The following NAA16 variants were observed in gnomAD, a reference collection of about 807,000 sequenced individuals.
NAA16 encodes NARG1-like protein.
NAA16 carries 97 observed loss-of-function variants against 110.3 expected under a neutral mutation model. The ratio of observed to expected loss-of-function variants is 0.88; its 90% CI spans 0.75 to 1.04. NAA16 has a LOEUF of 1.04. Among genes scored for constraint, NAA16 ranks in the 50% least tolerant of loss-of-function variants. The pLI is 0.00. For missense variants in NAA16, 1,017 were observed against 1,005.1 expected (o/e 1.01, Z -0.16); for synonymous variants, 372 against 330.6 (o/e 1.13, Z -1.36).
rs2042079298 is a variant in NAA16 at position 41,325,844 on chromosome 13, A to G, written c.684A>G (p.Glu228=). The G allele has an allele frequency of 6.3e-7, 1 of 1,597,134 alleles. No individual in the cohort carries two copies. The highest frequency in any genetic ancestry group is 8.5e-7 in the Non-Finnish European group (1 of 1,174,106). ...KQICDKLLVE[E]IKGEILLKLG... ...TATGTGATAAACTTTTGGTGGAAGA[A>G]ATTAAAGGTAAGTTGGCTTGCCTTT... Residue 228 remains glutamate, a synonymous_variant, in exon 6 of 20, where the codon GAA becomes GAG. Coordinates refer to ENST00000379406, the MANE Select transcript of NAA16 (RefSeq NM_024561.5).
intron 9 of NAA16, among the ~76,000 whole-genome samples, chr13:41,344,088 A>G (rs192730134): frequency 1.6e-3 from 249 of 152,308 alleles, no homozygotes; most frequent in African/African-American, 5.7e-3. Context: ...TCAAGTTATT[A>G]TTAAATATCT....
chr13:41,358,468 T>C lies in NAA16; in HGVS notation c.1252T>C (p.Tyr418His). 6.2e-7 allele frequency: 1 copy of C among 1,613,270 alleles called. No homozygotes were observed. The highest frequency in any genetic ancestry group is 8.5e-7 in the Non-Finnish European group (1 of 1,179,316). Residue 418 changes from tyrosine (Y) to histidine (H), a missense_variant, in exon 11 of 20, where the codon TAC becomes CAC. Coordinates refer to ENST00000379406, the MANE Select transcript of NAA16 (RefSeq NM_024561.5). ...IELFYMKAKI[Y>H]KHIGNLKEAA... The stretch of plus-strand genomic sequence containing the variant: ...ATTATTCTATATGAAAGCAAAAATT[T>C]ACAAGGTAAAATCTGAATCCTGTTT...
intron 7 of NAA16, among the ~76,000 whole-genome samples, chr13:41,330,210 A>AC (rs2042201503): frequency 6.7e-6 from 1 of 150,250 alleles, no homozygotes; most frequent in African/African-American, 2.4e-5. Context: ...TTGTTTTTTT[A>AC]CCCCCCACAC....
Position 41,318,852 on chromosome 13 carries a change from A to G in NAA16, c.186A>G (p.Lys62=), listed in dbSNP as rs1566241186. The G allele has an allele frequency of 1.9e-6, 3 of 1,604,578 alleles. 1 individual carries two copies. In the South Asian group the frequency reaches 3.4e-5, roughly 18 times the overall value. ...TAACACTGAACTGTTTAGGAAAAAA[A>G]GAAGAAGCTTATGAGTTTGTTCGTA... ...KGLTLNCLGK[K]EEAYEFVRKG... Residue 62 remains lysine (K), a synonymous_variant, in exon 3 of 20, where the codon AAA becomes AAG. Transcript: ENST00000379406.
chr13:41,328,983 G>A, intron 7 of NAA16, 140 bp downstream of exon 7: 1 of 696,690 alleles, frequency 1.4e-6, no homozygotes, highest in African/African-American at 1.8e-5. Context: ...GGTTAAACAT[G>A]GGAGTAAAAA....
chr13:41,363,309 C>T (rs1459374917), intron 13 of NAA16, among the ~76,000 whole-genome samples: 1 of 152,098 alleles, frequency 6.6e-6, no homozygotes, highest in African/African-American at 2.4e-5. Context: ...CTAGGACATT[C>T]TCAGTGAGAG....
In NAA16 at chr13:41,372,275, A is replaced by G. The variant is rs749388159; in HGVS notation, c.2020A>G (p.Thr674Ala). The G allele has an allele frequency of 8.1e-6, 13 of 1,600,000 alleles. No homozygotes were observed. The highest frequency in any genetic ancestry group is 1.1e-5 in the Non-Finnish European group (13 of 1,174,322). The change falls in exon 16 of 20, where the codon ACT becomes GCT. Residue 674 changes from threonine (T) to alanine (A), a missense_variant. Thr to Ala is a moderately conservative substitution (Grantham distance 58). Transcript: ENST00000379406. The part of the protein sequence containing the change: ...LKNLVADNID[T>A]HLLAFEIYFR... ...GAACCTTGTTGCTGATAACATTGAC[A>G]CTCATCTGTTAGCATTTGAAATATA... is the stretch of plus-strand genomic sequence containing the variant.
intron 3 of NAA16, among the ~76,000 whole-genome samples, chr13:41,319,677 T>C (rs2483106): frequency 0.053 from 8,001 of 152,058 alleles, 281 homozygotes; most frequent in Non-Finnish European, 0.074. Flanking sequence ...CCACCATGCC[T>C]GGCTACTTTT....
At chr13:41,340,555 C>T (rs1221945908) in intron 9 of NAA16, among the ~76,000 whole-genome samples, 2 of 149,072 alleles carry the variant, frequency 1.3e-5, no homozygotes, top group African/African-American at 2.4e-5. Flanking sequence ...TTTCAAAGAA[C>T]ATCTTTATTT....
chr13:41,365,007 G>C (rs2043182374), intron 13 of NAA16, among the ~76,000 whole-genome samples: 1 of 152,140 alleles, frequency 6.6e-6, no homozygotes, highest in Admixed American at 6.5e-5. Flanking sequence ...CTAAAGCTGT[G>C]AACGGCTTTT....
At chr13:41,367,786 C>A in intron 14 of NAA16, 134 bp downstream of exon 14, 1 of 549,088 alleles carries the variant, frequency 1.8e-6, no homozygotes, top group South Asian at 3.6e-5. Flanking sequence ...ACTCATATGC[C>A]AAAAAACAAA....
Position 41,336,699 on chromosome 13 carries a change from T to G in NAA16, c.957T>G (p.Ser319Arg). Residue 319 changes from serine (S) to arginine (R), a missense_variant, in exon 9 of 20, where the codon AGT becomes AGG. Physicochemically the swap from Ser to Arg is moderately radical, Grantham distance 110 (BLOSUM62 -1). Coordinates refer to ENST00000379406, the MANE Select transcript of NAA16 (RefSeq NM_024561.5). ...LMDKFLRVNFSKGCPPLFTTL... is the reference protein window; with the variant it reads ...LMDKFLRVNFRKGCPPLFTTL... ...ATAAGTTCCTGAGGGTTAACTTCAG[T>G]AAAGGCTGCCCACCCTTGTTTACTA... 1.2e-6 allele frequency: 2 copies of G among 1,610,238 alleles called. No homozygotes were observed. Among genetic ancestry groups the G allele is most frequent in the Non-Finnish European group, 1.7e-6 (2 of 1,178,008 alleles).
intron 8 of NAA16, among the ~76,000 whole-genome samples, chr13:41,332,500 G>A (rs540037588): frequency 3.1e-4 from 47 of 152,272 alleles, no homozygotes; most frequent in African/African-American, 1.1e-3. Flanking sequence ...TACATAGGAC[G>A]TAGACAGTAT....
rs1566246614 is a variant in NAA16 at position 41,323,181 on chromosome 13, A to T, written c.528A>T (p.Gln176His). The stretch of plus-strand genomic sequence containing the variant: ...TAAAACTGTTGGAAGAATTTAGACA[A>T]ACTCAGCAAGTAAGAATTTTAATGT... ...MALKLLEEFRQTQQVPPNKID... is the reference protein window; with the variant it reads ...MALKLLEEFRHTQQVPPNKID... Residue 176 changes from glutamine (Q) to histidine (H), a missense_variant, in exon 5 of 20, where the codon CAA becomes CAT. Physicochemically the swap from Gln to His is conservative, Grantham distance 24. Transcript: ENST00000379406. 1 of 1,613,612 alleles carries T rather than the reference A, an allele frequency of 6.2e-7. No homozygotes were observed. Among genetic ancestry groups the T allele is most frequent in the African/African-American group, 1.3e-5 (1 of 75,034 alleles).
intron 1 of NAA16, among the ~76,000 whole-genome samples, chr13:41,313,172 T>C (rs2041692348): frequency 6.6e-6 from 1 of 152,036 alleles, no homozygotes; most frequent in South Asian, 2.1e-4. Flanking sequence ...ATTCTTAAAT[T>C]ACAAAAAAGG....
intron 9 of NAA16, among the ~76,000 whole-genome samples, chr13:41,337,521 T>A (rs899638976): frequency 1.4e-5 from 2 of 138,090 alleles, no homozygotes; most frequent in African/African-American, 2.8e-5. Flanking sequence ...CCAGCCTGAG[T>A]GACAGAGCGA....
chr13:41,346,705 A>G (rs2042690221), intron 9 of NAA16, among the ~76,000 whole-genome samples: 2 of 151,734 alleles, frequency 1.3e-5, no homozygotes, highest in Admixed American at 6.6e-5. Context: ...GATAGAGGAG[A>G]TATGGCTCTG....
Position 41,358,292 on chromosome 13 carries a change from G to C in NAA16, c.1088-12G>C. The C allele has an allele frequency of 6.2e-7, 1 of 1,603,064 alleles. No homozygotes were observed. The highest frequency in any genetic ancestry group is 1.1e-5 in the South Asian group (1 of 89,946). ...TTCTTTCTATAATAATTTAATATTT[G>C]TTTGATTGCAGAGAATGGGGAGAAG... On this transcript the variant is annotated splice_polypyrimidine_tract_variant and intron_variant, in intron 10 of 19. Coordinates refer to ENST00000379406, the MANE Select transcript of NAA16 (RefSeq NM_024561.5).
rs759481115 is a variant in NAA16 at position 41,373,668 on chromosome 13, G to A, written c.2187G>A (p.Val729=). 6.2e-7 allele frequency: 1 copy of A among 1,607,482 alleles called. No individual in the cohort carries two copies. Among genetic ancestry groups the A allele is most frequent in the South Asian group, 1.1e-5 (1 of 89,696 alleles). ...VSNHSNLPDI[V]SKVLSQEMQK... ...ATCATAGTAATCTTCCAGACATTGT[G>A]AGCAAAGTTCTATCTCAAGAAATGC... Residue 729 remains valine, a synonymous_variant, in exon 18 of 20, where the codon GTG becomes GTA. Coordinates refer to ENST00000379406, the MANE Select transcript of NAA16 (RefSeq NM_024561.5).
Sources: allele counts gnomAD v4.1 joint callset (sites outside exome capture counted in the v4.1 genomes callset), GRCh38; gene constraint gnomAD v4.1.1; transcripts MANE v1.5; gene names NCBI Gene and HGNC (gene_info 2026-07-23, HGNC 2026-07-21).